Variants in LRRC7 observed in about 807,000 individuals in gnomAD.
LRRC7 encodes leucine rich repeat containing 7.
LRRC7 carries 23 observed loss-of-function variants against 175.7 expected under a neutral mutation model. That is an observed-to-expected ratio of 0.13 (90% confidence interval 0.09 to 0.19). The LOEUF is 0.19. LRRC7 is among the 10% of genes least tolerant of loss of function. LRRC7 has a pLI of 1.00. For missense variants in LRRC7, 1,354 were observed against 1,904.7 expected (o/e 0.71, Z 5.38); for synonymous variants, 685 against 680.9 (o/e 1.01, Z -0.09).
chr1:69,610,182 C>CT (rs1043087446), intron 1 of LRRC7, among the ~76,000 whole-genome samples: 2 of 151,982 alleles, frequency 1.3e-5, no homozygotes, highest in Non-Finnish European at 2.9e-5. Context: ...GAAACAGGAT[C>CT]TTTTTTTCTA....
At chr1:69,763,680 A>T (rs1311794516) in intron 3 of LRRC7, among the ~76,000 whole-genome samples, 2 of 152,080 alleles carry the variant, frequency 1.3e-5, no homozygotes, top group Admixed American at 6.6e-5. Context: ...TTCAGGAGGA[A>T]AAATGCCTCA....
rs1276121203 is a variant in LRRC7 at position 70,135,389 on chromosome 1, G to C, written c.*13502G>C. On this transcript the variant is annotated 3_prime_UTR_variant, in exon 27 of 27. Transcript: ENST00000651989. ...ATCATTTTTTTAGTTCTGTCATGAG[G>C]TAAAGATGTAAAGATGTAAAAAGCT... Among the ~76,000 whole-genome samples, 3 of 152,124 alleles carry C rather than the reference G, an allele frequency of 2.0e-5. No homozygotes were observed. Among genetic ancestry groups the C allele is most frequent in the Non-Finnish European group, 4.4e-5 (3 of 68,020 alleles).
intron 7 of LRRC7, among the ~76,000 whole-genome samples, chr1:69,924,054 T>C (rs947533893): frequency 2.4e-4 from 37 of 152,344 alleles, no homozygotes; most frequent in South Asian, 1.2e-3. Context: ...ATTTATTAAA[T>C]AGGGAATCCT....
chr1:69,956,753 T>TGGG (rs143231221), intron 8 of LRRC7, among the ~76,000 whole-genome samples: 1 of 151,866 alleles, frequency 6.6e-6, no homozygotes, highest in East Asian at 1.9e-4. Flanking sequence ...AACTGTAATA[T>TGGG]ATTTAAGAAT....
chr1:70,036,089 C>A, intron 18 of LRRC7, 32 bp from the exon 19 acceptor site: 1 of 1,522,438 alleles, frequency 6.6e-7, no homozygotes, highest in Non-Finnish European at 8.9e-7. Flanking sequence ...TAAATGTTTA[C>A]TTTCCTTGTC....
chr1:69,678,020 ACCT>A (rs998798029), intron 1 of LRRC7, among the ~76,000 whole-genome samples: 1 of 151,772 alleles, frequency 6.6e-6, no homozygotes, highest in Non-Finnish European at 1.5e-5. Context: ...TCCATTCATA[ACCT>A]CCTCTAAAAC....
At chr1:69,981,654 T>C (rs897849996) in intron 9 of LRRC7, among the ~76,000 whole-genome samples, 23 of 152,154 alleles carry the variant, frequency 1.5e-4, no homozygotes, top group African/African-American at 3.9e-4. Flanking sequence ...TCACTACTCA[T>C]AGAAGAGCCT....
At chr1:69,704,970 A>C (rs1359272095) in intron 2 of LRRC7, among the ~76,000 whole-genome samples, 1 of 152,102 alleles carries the variant, frequency 6.6e-6, no homozygotes, top group East Asian at 1.9e-4. Flanking sequence ...CCCTAAAACC[A>C]AATTCCTTTA....
At chr1:70,012,018 G>A in intron 12 of LRRC7, 92 bp downstream of exon 12, 1 of 810,974 alleles carries the variant, frequency 1.2e-6, no homozygotes, top group Non-Finnish European at 2.0e-6. Context: ...GTAGATTCAT[G>A]AGTTGAGCTG....
intron 8 of LRRC7, among the ~76,000 whole-genome samples, chr1:69,940,753 TCAC>T (rs1297955596): frequency 2.6e-5 from 4 of 151,960 alleles, no homozygotes; most frequent in Admixed American, 2.6e-4. Flanking sequence ...GAGTTGTAAA[TCAC>T]CCCAAAAAAA....
At position 70,143,103 on chromosome 1, in the gene LRRC7, TAGTG is replaced by T. The variant is rs996613865; in HGVS notation, c.*21218_*21221del. ...CTCATTTCAGCTCATATAATTCAGT[TAGTG>T]AAATATTTCACTCTTCTGTAAGTTT... On this transcript the variant is annotated 3_prime_UTR_variant, in exon 27 of 27. Coordinates refer to ENST00000651989, the MANE Select transcript of LRRC7 (RefSeq NM_001370785.2). 1.3e-5 allele frequency: 2 copies of T among 152,068 alleles called. No individual in the cohort carries two copies. Among genetic ancestry groups the T allele is most frequent in the African/African-American group, 4.8e-5 (2 of 41,426 alleles). 9.4% of individuals were successfully genotyped at this position (152,068 alleles called of 1,614,324 possible).
At chr1:69,576,078 T>TC (rs1383718621) in intron 1 of LRRC7, among the ~76,000 whole-genome samples, 4 of 150,924 alleles carry the variant, frequency 2.7e-5, no homozygotes, top group Non-Finnish European at 5.9e-5. Context: ...CTTTTTTTTT[T>TC]TTAAGTAGCC....
intron 1 of LRRC7, among the ~76,000 whole-genome samples, chr1:69,674,278 A>G (rs1305955510): frequency 6.6e-6 from 1 of 152,224 alleles, no homozygotes; most frequent in Non-Finnish European, 1.5e-5. Flanking sequence ...TGGACTAAGA[A>G]GCAACTAGAA....
chr1:69,681,907 T>A (rs1260866752), intron 2 of LRRC7, among the ~76,000 whole-genome samples: 1 of 152,136 alleles, frequency 6.6e-6, no homozygotes, highest in Non-Finnish European at 1.5e-5. Context: ...CAGACTTGTG[T>A]CTTAAAACAA....
intron 24 of LRRC7, among the ~76,000 whole-genome samples, chr1:70,078,965 A>T (rs1395891691): frequency 6.6e-6 from 1 of 152,156 alleles, no homozygotes; most frequent in Non-Finnish European, 1.5e-5. Flanking sequence ...AGCCTCCTTC[A>T]TCTACAAATA....
Position 69,960,214 on chromosome 1 carries a change from G to C in LRRC7, c.712-20165G>C, listed in dbSNP as rs186956989. ...ATTTCTTCCTGGTTCAGTCTTGGGGGATGGTGTATGAGTCCAGGAAGTTAT... is the reference window on the plus strand; with the variant it reads ...ATTTCTTCCTGGTTCAGTCTTGGGGCATGGTGTATGAGTCCAGGAAGTTAT... On this transcript the variant is annotated intron_variant, in intron 8 of 26. Coordinates refer to ENST00000651989, the MANE Select transcript of LRRC7 (RefSeq NM_001370785.2). Among the ~76,000 whole-genome samples, 41 of 152,130 alleles carry C rather than the reference G, an allele frequency of 2.7e-4. No homozygotes were observed. In the East Asian group the frequency reaches 6.6e-3, roughly 24 times the overall value.
intron 4 of LRRC7, among the ~76,000 whole-genome samples, chr1:69,815,427 GT>G (rs1231827199): frequency 6.6e-6 from 1 of 152,072 alleles, no homozygotes; most frequent in Non-Finnish European, 1.5e-5. Flanking sequence ...AAGGTTGGCT[GT>G]GTCTTTTTTT....
intron 25 of LRRC7, among the ~76,000 whole-genome samples, chr1:70,095,821 A>G (rs1664345300): frequency 1.3e-5 from 2 of 152,212 alleles, no homozygotes; most frequent in Admixed American, 1.3e-4. Context: ...TAATCAAAAT[A>G]TGAAAGCACT....
chr1:69,766,050 G>A (rs895822447), intron 3 of LRRC7, among the ~76,000 whole-genome samples: 1 of 151,236 alleles, frequency 6.6e-6, no homozygotes, highest in Non-Finnish European at 1.5e-5. Flanking sequence ...AAAAAAAAAT[G>A]TCCTTAGAAA....
Sources: gnomAD v4.1 joint callset for allele counts (sites outside exome capture counted in the v4.1 genomes callset) on GRCh38, gnomAD v4.1.1 for gene constraint, MANE v1.5 for transcripts, NCBI Gene and HGNC (gene_info 2026-07-23, HGNC 2026-07-21) for gene names.